Variants in TRAK1 observed in about 807,000 individuals in gnomAD.
The protein encoded by TRAK1 is trafficking kinesin-binding protein 1.
Under a neutral mutation model 92.1 loss-of-function variants are expected in TRAK1, and 33 were observed. The observed-to-expected ratio is 0.36, with a 90% CI of 0.27 to 0.48. TRAK1 has a LOEUF of 0.48. TRAK1 is among the 20% of genes least tolerant of loss of function. TRAK1 has a pLI of 0.99. For synonymous variants in TRAK1, 521 were observed against 517.3 expected (o/e 1.01, Z -0.10); for missense variants, 1,123 against 1,257.9 (o/e 0.89, Z 1.62).
At chr3:42,175,201 G>T (rs1050062550) in intron 2 of TRAK1, among the ~76,000 whole-genome samples, 2 of 152,084 alleles carry the variant, frequency 1.3e-5, no homozygotes, top group Non-Finnish European at 2.9e-5. Flanking sequence ...CTGTTACCTG[G>T]TGTATAAAGG....
intron 1 of TRAK1, among the ~76,000 whole-genome samples, chr3:42,024,001 C>T (rs1198131344): frequency 6.6e-6 from 1 of 152,018 alleles, no homozygotes; most frequent in Non-Finnish European, 1.5e-5. Context: ...GTGATTCGCC[C>T]TCCTTGGCCC....
At chr3:42,035,325 G>A (rs763603664) in intron 1 of TRAK1, among the ~76,000 whole-genome samples, 24 of 152,008 alleles carry the variant, frequency 1.6e-4, no homozygotes, top group African/African-American at 3.4e-4. Context: ...TGGTGATCTC[G>A]CCAGGCCAGT....
chr3:42,112,190 G>A (rs12330868), intron 1 of TRAK1, among the ~76,000 whole-genome samples: 75,553 of 133,828 alleles, frequency 0.56, 21,583 homozygotes, highest in South Asian at 0.72. Flanking sequence ...CGCCCAGGCT[G>A]GAGTGCAATG....
chr3:42,208,636 C>T (rs762769465), intron 13 of TRAK1, among the ~76,000 whole-genome samples: 8 of 152,230 alleles, frequency 5.3e-5, no homozygotes, highest in African/African-American at 7.2e-5. Flanking sequence ...GGTGACTGCC[C>T]GAGCATCCAT....
intron 1 of TRAK1, among the ~76,000 whole-genome samples, chr3:42,105,540 T>A (rs1402538086): frequency 6.6e-6 from 1 of 152,174 alleles, no homozygotes; most frequent in Non-Finnish European, 1.5e-5. Flanking sequence ...AATCTACGTC[T>A]GATTGGTGTA....
intron 3 of TRAK1, among the ~76,000 whole-genome samples, chr3:42,184,290 A>G (rs1232953236): frequency 2.6e-5 from 4 of 152,244 alleles, no homozygotes; most frequent in Non-Finnish European, 5.9e-5. Flanking sequence ...TCACTTAACA[A>G]ATAGCTACTG....
intron 13 of TRAK1, chr3:42,203,681 G>T: frequency 2.0e-6 from 2 of 985,220 alleles, no homozygotes; most frequent in Non-Finnish European, 2.4e-6. Context: ...AGCCAAATCA[G>T]AACTTCTGTA....
intron 1 of TRAK1, among the ~76,000 whole-genome samples, chr3:42,026,211 T>C (rs1016813948): frequency 4.6e-5 from 7 of 152,216 alleles, no homozygotes; most frequent in Non-Finnish European, 7.3e-5. Context: ...AGAAAGTTTG[T>C]CTATTTTAGA....
At chr3:42,124,496 ATGT>A (rs1371387328) in intron 1 of TRAK1, among the ~76,000 whole-genome samples, 1 of 152,216 alleles carries the variant, frequency 6.6e-6, no homozygotes, top group Non-Finnish European at 1.5e-5. Context: ...TATGTTTGCC[ATGT>A]TGTCATGTTT....
chr3:42,210,142 G>A, intron 14 of TRAK1, 157 bp downstream of exon 14: 1 of 1,604,814 alleles, frequency 6.2e-7, no homozygotes, highest in Non-Finnish European at 8.5e-7. Flanking sequence ...ACCACGATAA[G>A]TCCTGTAAAC....
intron 1 of TRAK1, among the ~76,000 whole-genome samples, chr3:42,032,377 G>A (rs966500049): frequency 2.0e-5 from 3 of 151,812 alleles, no homozygotes; most frequent in African/African-American, 4.8e-5. Context: ...GCAGTGCAGC[G>A]AGGCTGCCCA....
intron 1 of TRAK1, among the ~76,000 whole-genome samples, chr3:42,044,902 G>A (rs1163273911): frequency 1.3e-5 from 2 of 151,982 alleles, no homozygotes; most frequent in Non-Finnish European, 2.9e-5. Flanking sequence ...GGAAGCTAGA[G>A]CTACAAAACC....
chr3:42,153,023 C>T (rs185252706), intron 2 of TRAK1, among the ~76,000 whole-genome samples: 22 of 152,128 alleles, frequency 1.4e-4, no homozygotes, highest in Admixed American at 3.3e-4. Context: ...TCTTTGTAAG[C>T]GACGAAGAGC....
At chr3:42,206,321 A>G (rs946270142) in intron 13 of TRAK1, among the ~76,000 whole-genome samples, 3 of 152,198 alleles carry the variant, frequency 2.0e-5, no homozygotes, top group African/African-American at 7.2e-5. Flanking sequence ...GCCCCATAGC[A>G]TGACATAACT....
In TRAK1 at chr3:42,046,545, A is replaced by G. The variant is rs139998790; in HGVS notation, c.-519+32428A>G. 3.4e-4 allele frequency among the ~76,000 whole-genome samples: 52 copies of G among 152,256 alleles called. No homozygotes were observed. The East Asian group carries it at 9.7e-3, about 28-fold the overall frequency. On this transcript the variant is annotated intron_variant, in intron 1 of 16. Coordinates refer to the TRAK1 transcript ENST00000487159. ...TCTGGAGGGATTTATTGGCTCATCT[A>G]ACAAGCCAGAGGATAAATGAGCTGG...
chr3:42,047,922 C>CTTTT (rs11422406), intron 1 of TRAK1, among the ~76,000 whole-genome samples: 13 of 129,190 alleles, frequency 1.0e-4, no homozygotes, highest in African/African-American at 3.1e-4. Flanking sequence ...AGTTTCTTTT[C>CTTTT]TTTTTTTTTT....
At chr3:42,089,516 C>T (rs921852474), upstream of TRAK1, among the ~76,000 whole-genome samples, 18 of 152,200 alleles carry the variant, frequency 1.2e-4, no homozygotes, top group African/African-American at 4.3e-4. Context: ...TGACCTGCCT[C>T]CTCTGTGCCC....
At chr3:42,196,253 C>T (rs370141652) in intron 10 of TRAK1, among the ~76,000 whole-genome samples, 3 of 152,324 alleles carry the variant, frequency 2.0e-5, no homozygotes, top group African/African-American at 7.2e-5. Context: ...TCATGCAGAA[C>T]GCCCAGATCT....
At chr3:42,216,599 C>T (rs889252791) in intron 14 of TRAK1, among the ~76,000 whole-genome samples, 2 of 152,188 alleles carry the variant, frequency 1.3e-5, no homozygotes, top group African/African-American at 4.8e-5. Flanking sequence ...ATCTGCACGA[C>T]AGCTACGGGC....
Sources: gnomAD v4.1 joint callset for allele counts (sites outside exome capture counted in the v4.1 genomes callset) on GRCh38, gnomAD v4.1.1 for gene constraint, MANE v1.5 for transcripts, NCBI Gene and HGNC (gene_info 2026-07-23, HGNC 2026-07-21) for gene names.